The following RHCE variants were observed in gnomAD, a reference collection of about 807,000 sequenced individuals.
The protein encoded by RHCE is Rh blood group CcEe antigens, also known as blood group Rh(CE) polypeptide.
RHCE carries 22 observed loss-of-function variants against 43.8 expected under a neutral mutation model. The observed-to-expected ratio is 0.50, with a 90% CI of 0.36 to 0.72. The LOEUF is 0.72. RHCE is among the 30% of genes least tolerant of loss of function. The pLI is 0.00. For synonymous variants in RHCE, 156 were observed against 210.7 expected (o/e 0.74, Z 2.25); for missense variants, 385 against 525.4 (o/e 0.73, Z 2.61).
Position 25,392,122 on chromosome 1 carries a change from A to T in RHCE, c.506T>A (p.Leu169Gln), listed in dbSNP as rs1310627729. 4 of 1,614,068 alleles carry T rather than the reference A, an allele frequency of 2.5e-6. No individual in the cohort carries two copies. Among genetic ancestry groups the T allele is most frequent in the Non-Finnish European group, 3.4e-6 (4 of 1,180,024 alleles). ...NIFNTDYHMN[L>Q]RHFYVFAAYF... ...GGCTGCGAACACGTAGAAGTGCCTC[A>T]GGTTCATGTGGTAGTCTGTCTGCAA... Residue 169 changes from leucine (L) to glutamine (Q), a missense_variant, in exon 4 of 10, where the codon CTG becomes CAG. Leu to Gln is a moderately radical substitution (Grantham distance 113, BLOSUM62 -2). Coordinates refer to ENST00000294413, the MANE Select transcript of RHCE (RefSeq NM_020485.8).
At position 25,382,736 on chromosome 1, in the gene RHCE, G is replaced by A. The variant is rs1225227957; in HGVS notation, c.1073+2975C>T. On this transcript the variant is annotated intron_variant, in intron 7 of 9. Coordinates refer to ENST00000294413, the MANE Select transcript of RHCE (RefSeq NM_020485.8). ...CAAGAATTCCAATGTTTTGTGGCTC[G>A]GAATGAGTGGCTCTTGGGATTCAAA... 6.6e-5 allele frequency among the ~76,000 whole-genome samples: 10 copies of A among 152,210 alleles called. No homozygotes were observed. The East Asian group carries it at 7.7e-4, about 12-fold the overall frequency.
At chr1:25,399,227 T>C (rs1393527672) in intron 3 of RHCE, 9 of 815,684 alleles carry the variant, frequency 1.1e-5, no homozygotes, top group African/African-American at 1.7e-5. Context: ...CTTTGAAGAA[T>C]TGATGTATGC....
intron 7 of RHCE, among the ~76,000 whole-genome samples, chr1:25,383,443 A>G (rs994480349): frequency 1.3e-5 from 2 of 152,176 alleles, no homozygotes; most frequent in Admixed American, 1.3e-4. Flanking sequence ...ATACTGATGC[A>G]GCATCAGTCA....
At chr1:25,429,258 C>T (rs1271731129) in intron 1 of RHCE, among the ~76,000 whole-genome samples, 1 of 140,896 alleles carries the variant, frequency 7.1e-6, no homozygotes, top group Non-Finnish European at 1.5e-5. Context: ...CAAAGTCTCG[C>T]TCTCCTGCCT....
chr1:25,421,590 AG>A (rs2042760768), upstream of RHCE, among the ~76,000 whole-genome samples: 1 of 152,186 alleles, frequency 6.6e-6, no homozygotes, highest in Non-Finnish European at 1.5e-5. Flanking sequence ...CACCAGCCTC[AG>A]CATCCCCATC....
At chr1:25,417,148 C>A (rs74060776) in intron 1 of RHCE, among the ~76,000 whole-genome samples, 15 of 144,594 alleles carry the variant, frequency 1.0e-4, no homozygotes, top group Non-Finnish European at 1.5e-4. Context: ...AAAACAAAAA[C>A]AAAAAAAAAA....
rs758821872 is a variant in RHCE at position 25,362,431 on chromosome 1, T to A, written c.*96A>T. 1 of 1,613,836 alleles carries A rather than the reference T, an allele frequency of 6.2e-7. No individual in the cohort carries two copies. The highest frequency in any genetic ancestry group is 1.1e-5 in the South Asian group (1 of 91,066). On this transcript the variant is annotated 3_prime_UTR_variant, in exon 10 of 10. Coordinates refer to ENST00000294413, the MANE Select transcript of RHCE (RefSeq NM_020485.8). ...TGTTTCATTATACATAAGGAGACTT[T>A]GCTGTCATGAGCGTTTCTCACGTAC...
chr1:25,378,923 T>C (rs796580480), intron 7 of RHCE, among the ~76,000 whole-genome samples: 2 of 152,278 alleles, frequency 1.3e-5, no homozygotes, highest in African/African-American at 4.8e-5. Context: ...GGAAAAAAAG[T>C]ACAGCAATGC....
intron 7 of RHCE, among the ~76,000 whole-genome samples, chr1:25,376,210 ATACT>A (rs1366995274): frequency 3.9e-5 from 6 of 152,104 alleles, no homozygotes; most frequent in African/African-American, 1.4e-4. Flanking sequence ...CCCCTTGAAC[ATACT>A]TCCAGGATCT....
intron 1 of RHCE, among the ~76,000 whole-genome samples, chr1:25,416,816 T>A (rs1571923710): frequency 1.3e-5 from 1 of 76,632 alleles, no homozygotes; most frequent in Non-Finnish European, 2.4e-5. Context: ...TTTTTAGAGA[T>A]GGCGGGGGGG....
At chr1:25,371,853 C>G (rs893147797) in intron 8 of RHCE, among the ~76,000 whole-genome samples, 2 of 151,406 alleles carry the variant, frequency 1.3e-5, no homozygotes, top group African/African-American at 4.9e-5. Context: ...GTGTCGTTAA[C>G]AAGAATGGGT....
At chr1:25,420,499 C>A in intron 1 of RHCE, 140 bp downstream of exon 1, 1 of 1,536,450 alleles carries the variant, frequency 6.5e-7, no homozygotes, top group South Asian at 1.1e-5. Context: ...AATTTCGGTG[C>A]AATCTACGGA....
chr1:25,401,278 A>G (rs975869143), intron 3 of RHCE, among the ~76,000 whole-genome samples: 1 of 152,218 alleles, frequency 6.6e-6, no homozygotes, highest in African/African-American at 2.4e-5. Context: ...ACAGACGAAG[A>G]AACTAAAGCT....
chr1:25,399,695 G>C (rs1471108739), intron 3 of RHCE, among the ~76,000 whole-genome samples: 3 of 152,000 alleles, frequency 2.0e-5, no homozygotes, highest in Non-Finnish European at 4.4e-5. Context: ...ACATATACTA[G>C]GGAAATTTTA....
At chr1:25,424,230 T>C (rs760204035), upstream of RHCE, among the ~76,000 whole-genome samples, 4 of 152,198 alleles carry the variant, frequency 2.6e-5, no homozygotes, top group Non-Finnish European at 5.9e-5. Context: ...ATTAAATGCA[T>C]TTTTGACTTA....
At chr1:25,376,219 G>C (rs1036991791) in intron 7 of RHCE, among the ~76,000 whole-genome samples, 32 of 152,230 alleles carry the variant, frequency 2.1e-4, no homozygotes, top group Admixed American at 1.0e-3. Context: ...CATACTTCCA[G>C]GATCTCTCTC....
At chr1:25,384,813 T>C (rs578142677) in intron 7 of RHCE, among the ~76,000 whole-genome samples, 130 of 152,310 alleles carry the variant, frequency 8.5e-4, no homozygotes, top group African/African-American at 2.9e-3. Flanking sequence ...ATAACTTCTC[T>C]TAAATCTCAT....
chr1:25,392,612 T>C lies in RHCE; in HGVS notation c.487-471A>G, dbSNP rs536015432. 2.5e-5 allele frequency among the ~76,000 whole-genome samples: 3 copies of C among 119,094 alleles called. No individual in the cohort carries two copies. In the East Asian group the frequency reaches 9.2e-4, roughly 37 times the overall value. The allele number at this position is 119,094 out of a possible 152,430, so 78.1% of individuals were successfully genotyped here. On this transcript the variant is annotated intron_variant, in intron 3 of 9. Coordinates refer to ENST00000294413, the MANE Select transcript of RHCE (RefSeq NM_020485.8). ...TTGAGACAGAGTCTTGCTCCATTGC[T>C]CAAGCTGGAGTGCAGTGGTGTGGCC... is the stretch of plus-strand genomic sequence containing the variant.
chr1:25,404,386 CTA>C (rs1557632464), intron 2 of RHCE, among the ~76,000 whole-genome samples: 1 of 143,460 alleles, frequency 7.0e-6, no homozygotes, highest in African/African-American at 2.7e-5. Flanking sequence ...TTGCTGCAGA[CTA>C]TGCCCGCTTA....
Sources: allele counts gnomAD v4.1 joint callset (sites outside exome capture counted in the v4.1 genomes callset), GRCh38; gene constraint gnomAD v4.1.1; transcripts MANE v1.5; gene names NCBI Gene and HGNC (gene_info 2026-07-23, HGNC 2026-07-21).